Variants in GRIK4 observed in about 807,000 individuals in gnomAD.
GRIK4 encodes the protein glutamate receptor ionotropic, kainate 4.
GRIK4 carries 40 observed loss-of-function variants against 104.9 expected under a neutral mutation model. That is an observed-to-expected ratio of 0.38 (90% confidence interval 0.30 to 0.50). The LOEUF is 0.50. Ranked by LOEUF, GRIK4 falls within the 20% of genes least tolerant of loss-of-function variation. The pLI is 0.93. For synonymous variants in GRIK4, 485 were observed against 524.9 expected, an observed-to-expected ratio of 0.92 and a Z score of 1.04; for missense variants, 1,047 against 1,308.1, an observed-to-expected ratio of 0.80 and a Z score of 3.08.
chr11:120,748,439 G>A (rs1201323230), intron 3 of GRIK4, among the ~76,000 whole-genome samples: 2 of 152,094 alleles, frequency 1.3e-5, no homozygotes, highest in Admixed American at 6.5e-5. Context: ...GTGCTGCTGT[G>A]TAGCGGGTGG....
chr11:120,622,651 A>C (rs4936532), intron 1 of GRIK4, among the ~76,000 whole-genome samples: 30 of 152,280 alleles, frequency 2.0e-4, no homozygotes, highest in East Asian at 1.7e-3. Flanking sequence ...CCGGAAGCCA[A>C]GTGGCTTAAA....
intron 2 of GRIK4, among the ~76,000 whole-genome samples, chr11:120,659,005 C>T (rs1450138440): frequency 6.6e-6 from 1 of 151,896 alleles, no homozygotes; most frequent in Non-Finnish European, 1.5e-5. Flanking sequence ...GCCTTGGCCT[C>T]CCAAAGTGCT....
Position 120,819,470 on chromosome 11 carries a change from C to T in GRIK4, c.346-285C>T, listed in dbSNP as rs1184948205. Among the ~76,000 whole-genome samples the T allele has an allele frequency of 6.6e-6, 1 of 152,254 alleles. No homozygotes were observed. Among genetic ancestry groups the T allele is most frequent in the African/African-American group, 2.4e-5 (1 of 41,470 alleles). On this transcript the variant is annotated intron_variant, in intron 5 of 20. Coordinates refer to ENST00000527524, the MANE Select transcript of GRIK4 (RefSeq NM_014619.5). This position sits in a 1 kb window ranked among gnomAD's most constrained non-coding sequence, Gnocchi z 4.3. The stretch of plus-strand genomic sequence containing the variant: ...GAATAAAGATAGATTCTTTTGCCTT[C>T]TCAGGACCACAGACCCCAGCTTGCA...
chr11:120,637,939 G>A (rs1384685210), intron 1 of GRIK4, among the ~76,000 whole-genome samples: 2 of 152,036 alleles, frequency 1.3e-5, no homozygotes, highest in Non-Finnish European at 1.5e-5. Context: ...GAGTGCAATG[G>A]CGTGATCTCG....
chr11:120,624,101 G>GA (rs1949223925), intron 1 of GRIK4, among the ~76,000 whole-genome samples: 2 of 152,142 alleles, frequency 1.3e-5, no homozygotes, highest in Admixed American at 1.3e-4. Context: ...AAACAATATG[G>GA]AAAAGAGCCT....
chr11:120,560,099 G>A (rs1163921042), intron 1 of GRIK4, among the ~76,000 whole-genome samples: 1 of 151,986 alleles, frequency 6.6e-6, no homozygotes, highest in South Asian at 2.1e-4. Context: ...GCCCAGGCTG[G>A]AGTGCAGTGT....
Position 120,693,145 on chromosome 11 carries a change from T to C in GRIK4, c.82+32745T>C, listed in dbSNP as rs528073819. On this transcript the variant is annotated intron_variant, in intron 3 of 20. Coordinates refer to ENST00000527524, the MANE Select transcript of GRIK4 (RefSeq NM_014619.5). ...TTTGAGACAGAGTCTCTCTCTGTTG[T>C]CCAGGCTGGAGTGCAGTGGTGCAAT... Among the ~76,000 whole-genome samples the C allele has an allele frequency of 1.5e-3, 226 of 151,404 alleles. 1 individual carries two copies. Among genetic ancestry groups the C allele is most frequent in the Middle Eastern group, 0.014 (4 of 292 alleles).
At chr11:120,719,654 G>A (rs146391851) in intron 3 of GRIK4, among the ~76,000 whole-genome samples, 148 of 152,262 alleles carry the variant, frequency 9.7e-4, no homozygotes, top group Non-Finnish European at 1.7e-3. Context: ...GGTCTCAGGA[G>A]TCCAGAGTCA....
intron 16 of GRIK4, among the ~76,000 whole-genome samples, chr11:120,958,868 G>A (rs1040737842): frequency 6.6e-6 from 1 of 152,120 alleles, no homozygotes; most frequent in Non-Finnish European, 1.5e-5. Flanking sequence ...TTCCTCCTGG[G>A]GACTGCCCAC....
chr11:120,755,926 G>A (rs948149588), intron 3 of GRIK4, among the ~76,000 whole-genome samples: 1 of 152,144 alleles, frequency 6.6e-6, no homozygotes, highest in Non-Finnish European at 1.5e-5. Flanking sequence ...AACTTGGGGA[G>A]GTTAAGTGAC....
At chr11:120,663,690 A>G (rs1949856660) in intron 3 of GRIK4, among the ~76,000 whole-genome samples, 1 of 152,100 alleles carries the variant, frequency 6.6e-6, no homozygotes, top group African/African-American at 2.4e-5. Flanking sequence ...TGAGCCAAAT[A>G]TACCAGGAGG....
At chr11:120,741,667 T>C (rs1951336793) in intron 3 of GRIK4, among the ~76,000 whole-genome samples, 1 of 150,524 alleles carries the variant, frequency 6.6e-6, no homozygotes, top group Admixed American at 6.6e-5. Flanking sequence ...CGGCCTTCTA[T>C]TCATGTGAGT....
intron 1 of GRIK4, among the ~76,000 whole-genome samples, chr11:120,641,525 C>T (rs1949472171): frequency 6.6e-6 from 1 of 152,150 alleles, no homozygotes; most frequent in Non-Finnish European, 1.5e-5. Context: ...TGGGCAATTC[C>T]CAGAACTGAG....
intron 1 of GRIK4, among the ~76,000 whole-genome samples, chr11:120,579,894 G>C (rs949768857): frequency 1.3e-5 from 2 of 152,044 alleles, no homozygotes; most frequent in Admixed American, 1.3e-4. Context: ...CACACCCCCG[G>C]CAGTCACACT....
chr11:120,794,987 G>A (rs1565356905), intron 3 of GRIK4, among the ~76,000 whole-genome samples: 1 of 152,086 alleles, frequency 6.6e-6, no homozygotes, highest in Admixed American at 6.5e-5. Flanking sequence ...ATGGGGATGG[G>A]CTGTAGCTGG....
rs142020474 is a variant in GRIK4, at chr11:120,626,631, G to A, written c.-158-27054G>A. Among the ~76,000 whole-genome samples the A allele has an allele frequency of 3.3e-3, 499 of 152,190 alleles. 1 individual carries two copies. Among genetic ancestry groups the A allele is most frequent in the Non-Finnish European group, 3.9e-3 (262 of 68,000 alleles). On this transcript the variant is annotated intron_variant, in intron 1 of 20. Coordinates refer to ENST00000527524, the MANE Select transcript of GRIK4 (RefSeq NM_014619.5). ...TCACCTTGATCCGTGCTTTCCCCAG[G>A]GAACAGTAGTCTCCTAGGCATCCCG...
intron 3 of GRIK4, among the ~76,000 whole-genome samples, chr11:120,748,505 G>A (rs1436061742): frequency 6.6e-6 from 1 of 152,054 alleles, no homozygotes; most frequent in African/African-American, 2.4e-5. Context: ...CCCAGGCACT[G>A]GTGACCTCAT....
chr11:120,515,101 G>T (rs1947709885), intron 1 of GRIK4: 5 of 453,640 alleles, frequency 1.1e-5, no homozygotes, highest in Non-Finnish European at 2.2e-5. Flanking sequence ...GTCACAACGT[G>T]GTGTCTGGCA....
chr11:120,869,121 G>A (rs11601137), intron 9 of GRIK4: 1 of 152,540 alleles, frequency 6.6e-6, no homozygotes, highest in Non-Finnish European at 1.5e-5. Flanking sequence ...TGTGAGGAGA[G>A]AGCTGCAGGC....
Sources: gnomAD v4.1 joint callset for allele counts (sites outside exome capture counted in the v4.1 genomes callset) on GRCh38, gnomAD v4.1.1 for gene constraint, Gnocchi (gnomAD v3.1) non-coding constraint, MANE v1.5 for transcripts, NCBI Gene and HGNC (gene_info 2026-07-23, HGNC 2026-07-21) for gene names.